DTNB: variants seen among roughly 807,000 people sequenced by gnomAD.
DTNB encodes DTN-B.
DTNB carries 63 observed loss-of-function variants against 90.7 expected under a neutral mutation model. That is an observed-to-expected ratio of 0.69 (90% CI 0.57 to 0.86). The LOEUF (loss-of-function observed/expected upper bound fraction) is 0.86, where lower values mean the gene tolerates loss of function less well. DTNB is among the 40% of genes least tolerant of loss of function. The probability of loss-of-function intolerance (pLI) is 0.00; values close to 1 mark genes in which losing one functional copy is unlikely to be tolerated. For missense variants in DTNB, 744 were observed against 807.1 expected (o/e 0.92, Z 0.95); for synonymous variants, 277 against 286.7 (o/e 0.97, Z 0.34).
intron 7 of DTNB, among the ~76,000 whole-genome samples, 158 bp from the exon 8 acceptor site, chr2:25,577,162 C>T (rs2060812633): frequency 1.3e-5 from 2 of 152,168 alleles, no homozygotes; most frequent in South Asian, 4.1e-4. Flanking sequence ...GAGCCGGATG[C>T]GGTGGCTTGC....
intron 12 of DTNB, among the ~76,000 whole-genome samples, chr2:25,439,231 T>C (rs1466618749): frequency 1.3e-5 from 2 of 152,174 alleles, no homozygotes; most frequent in African/African-American, 4.8e-5. Context: ...CTTGGCTGGG[T>C]TGCTCACTCC....
At position 25,444,099 on chromosome 2, in the gene DTNB, A is replaced by AT. The variant is rs2058010888; in HGVS notation, c.1257+7448_1257+7449insA. ...TCCAAGTTTTCCATAATGAATTTTA[A>AT]ATTTTTTTATAAGGGAAAAAAAACC... On this transcript the variant is annotated intron_variant, in intron 12 of 20. Coordinates refer to ENST00000406818, the MANE Select transcript of DTNB (RefSeq NM_021907.5). 3.9e-5 allele frequency among the ~76,000 whole-genome samples: 6 copies of AT among 152,210 alleles called. No individual in the cohort carries two copies. In the East Asian group the frequency reaches 1.2e-3, roughly 29 times the overall value.
At chr2:25,649,146 A>G in intron 2 of DTNB, among the ~76,000 whole-genome samples, 1 of 152,024 alleles carries the variant, frequency 6.6e-6, no homozygotes, top group South Asian at 2.1e-4. Flanking sequence ...CTGGGACTAC[A>G]GGTGCCTGCC....
intron 4 of DTNB, among the ~76,000 whole-genome samples, chr2:25,627,337 G>A (rs112561012): frequency 4.5e-4 from 68 of 152,040 alleles, no homozygotes; most frequent in Non-Finnish European, 5.3e-4. Context: ...GCTTGAACCC[G>A]GGGGGTGGAG....
chr2:25,558,420 A>C, intron 8 of DTNB: 2 of 985,386 alleles, frequency 2.0e-6, no homozygotes, highest in Non-Finnish European at 2.4e-6. Context: ...GCAAGAACAA[A>C]AAAAAGATCT....
intron 9 of DTNB, among the ~76,000 whole-genome samples, chr2:25,495,425 G>A (rs372282626): frequency 8.5e-5 from 13 of 152,112 alleles, no homozygotes; most frequent in South Asian, 4.1e-4. Context: ...AGACCTATTC[G>A]TGGACCCTTA....
intron 11 of DTNB, among the ~76,000 whole-genome samples, chr2:25,455,048 A>G (rs1014111925): frequency 5.3e-5 from 8 of 152,218 alleles, no homozygotes; most frequent in African/African-American, 1.9e-4. Flanking sequence ...GAATGTCAAT[A>G]GAAAGATTTC....
At chr2:25,589,086 C>T (rs1040266007) in intron 6 of DTNB, among the ~76,000 whole-genome samples, 24 of 152,290 alleles carry the variant, frequency 1.6e-4, no homozygotes, top group Non-Finnish European at 2.8e-4. Flanking sequence ...AAAATCATTT[C>T]GCTACATAGC....
chr2:25,460,595 C>T (rs1336296825), intron 10 of DTNB, among the ~76,000 whole-genome samples: 2 of 152,030 alleles, frequency 1.3e-5, no homozygotes, highest in Non-Finnish European at 2.9e-5. Context: ...CCGGAGGCCA[C>T]GTGCAACAGG....
At chr2:25,440,592 C>T (rs35379002) in intron 12 of DTNB, among the ~76,000 whole-genome samples, 96 of 152,238 alleles carry the variant, frequency 6.3e-4, no homozygotes, top group Middle Eastern at 3.4e-3. Flanking sequence ...GGTCCTACAT[C>T]CAAATATACA....
intron 16 of DTNB, among the ~76,000 whole-genome samples, chr2:25,401,068 G>T (rs1203222226): frequency 1.3e-5 from 2 of 152,190 alleles, no homozygotes; most frequent in Non-Finnish European, 2.9e-5. Flanking sequence ...CATTTGAGGA[G>T]GCTGAGGTCA....
intron 15 of DTNB, chr2:25,421,167 C>G (rs2049549203): frequency 6.6e-6 from 1 of 152,258 alleles, no homozygotes; most frequent in East Asian, 1.9e-4. Flanking sequence ...GTCTACAGAC[C>G]TGGGTGCAAT....
chr2:25,415,707 T>C lies in DTNB; in HGVS notation c.1575+3808A>G, dbSNP rs148285876. Among the ~76,000 whole-genome samples the C allele has an allele frequency of 3.9e-4, 60 of 152,228 alleles. No individual in the cohort carries two copies. The East Asian group carries it at 8.7e-3, about 22-fold the overall frequency. The stretch of plus-strand genomic sequence containing the variant: ...GAATGAATCAATCATGCATACATAA[T>C]GGAACCCCCATAAAGACCCTAACTG... On this transcript the variant is annotated intron_variant, in intron 16 of 20. Transcript: ENST00000406818.
intron 16 of DTNB, among the ~76,000 whole-genome samples, chr2:25,401,472 C>T (rs533709599): frequency 2.0e-5 from 3 of 152,238 alleles, no homozygotes; most frequent in Non-Finnish European, 2.9e-5. Context: ...GCAGAGAGAA[C>T]TGGCCAGGAG....
intron 12 of DTNB, among the ~76,000 whole-genome samples, chr2:25,449,952 T>C (rs535791745): frequency 2.6e-5 from 4 of 151,978 alleles, no homozygotes; most frequent in South Asian, 2.1e-4. Flanking sequence ...TTAGTAGATA[T>C]GGGGTTTCAC....
At chr2:25,525,529 G>T (rs575821611) in intron 9 of DTNB, among the ~76,000 whole-genome samples, 2 of 151,938 alleles carry the variant, frequency 1.3e-5, no homozygotes, top group African/African-American at 4.8e-5. Context: ...CCAGCTACTC[G>T]GGAGGCTGAG....
At chr2:25,584,415 T>G (rs1250789641) in intron 6 of DTNB, among the ~76,000 whole-genome samples, 2 of 152,198 alleles carry the variant, frequency 1.3e-5, no homozygotes, top group Non-Finnish European at 2.9e-5. Flanking sequence ...ATATTAAAGA[T>G]AAGCAAAAAT....
chr2:25,486,739 G>A (rs557433193), intron 9 of DTNB, among the ~76,000 whole-genome samples: 70 of 152,098 alleles, frequency 4.6e-4, no homozygotes, highest in African/African-American at 1.7e-3. Context: ...GTATTTCCAG[G>A]TGTAAAGCAG....
intron 1 of DTNB, among the ~76,000 whole-genome samples, chr2:25,656,284 G>A (rs944327441): frequency 2.0e-5 from 3 of 152,192 alleles, no homozygotes; most frequent in Non-Finnish European, 4.4e-5. Flanking sequence ...AGTCAAAGGT[G>A]ACTCCATGCC....
Sources: gnomAD v4.1 joint callset for allele counts (sites outside exome capture counted in the v4.1 genomes callset) on GRCh38, gnomAD v4.1.1 for gene constraint, MANE v1.5 for transcripts, NCBI Gene and HGNC (gene_info 2026-07-23, HGNC 2026-07-21) for gene names.